The following RILPL2 variants were observed in gnomAD, a reference collection of about 807,000 sequenced individuals.
RILPL2 encodes Rab interacting lysosomal protein like 2.
In RILPL2, 19 loss-of-function variants were observed where a neutral mutation model predicts 22.2. The observed-to-expected ratio is 0.86, with a 90% CI of 0.60 to 1.25. The LOEUF (loss-of-function observed/expected upper bound fraction) is 1.25, where lower values mean the gene tolerates loss of function less well. Ranked by LOEUF, RILPL2 falls within the 50% of genes most tolerant of loss-of-function variation. The probability of loss-of-function intolerance (pLI) is 0.00; values close to 1 mark genes in which losing one functional copy is unlikely to be tolerated. For missense variants in RILPL2, 243 were observed against 263.6 expected (o/e 0.92, Z 0.54); for synonymous variants, 123 against 111.6 (o/e 1.10, Z -0.64).
chr12:123,421,042 T>C (rs2139236651), intron 3 of RILPL2, among the ~76,000 whole-genome samples: 1 of 150,972 alleles, frequency 6.6e-6, no homozygotes, highest in Middle Eastern at 3.4e-3. Flanking sequence ...CTATGTTAAA[T>C]CTTTTTTTTT....
chr12:123,416,321 C>T (rs1404171886), intron 3 of RILPL2, among the ~76,000 whole-genome samples: 2 of 151,406 alleles, frequency 1.3e-5, no homozygotes, highest in Non-Finnish European at 2.9e-5. Context: ...AAGACACTAT[C>T]TCAAAAGAAA....
At chr12:123,421,401 A>G (rs1450260406) in intron 3 of RILPL2, among the ~76,000 whole-genome samples, 1 of 151,984 alleles carries the variant, frequency 6.6e-6, no homozygotes, top group East Asian at 1.9e-4. Flanking sequence ...ACTTCATCTC[A>G]TCAAATTAAA....
rs144742334 is a variant in RILPL2, at chr12:123,430,542, G to C, written c.457C>G (p.Leu153Val). ...CACTGCAGCTCTTCCTGCACCACCAGGAGCTGCGACTTGAGTTTGTTGCGT... is the reference window on the plus strand; with the variant it reads ...CACTGCAGCTCTTCCTGCACCACCACGAGCTGCGACTTGAGTTTGTTGCGT... ...QERNKLKSQLLVVQEELQCYK... is the reference protein window; with the variant it reads ...QERNKLKSQLVVVQEELQCYK... The change falls in exon 2 of 4, where the codon CTG becomes GTG. Residue 153 changes from leucine to valine, a missense_variant. Leu to Val is a conservative substitution (Grantham distance 32, BLOSUM62 1). Coordinates refer to ENST00000280571, the MANE Select transcript of RILPL2 (RefSeq NM_145058.3). 1,131 of 1,609,202 alleles carry C rather than the reference G, an allele frequency of 7.0e-4. 3 individuals carry two copies. Among genetic ancestry groups the C allele is most frequent in the Middle Eastern group, 4.0e-3 (24 of 6,006 alleles).
rs1879332717 is a variant in RILPL2 at position 123,423,101 on chromosome 12, A to G, written c.548T>C (p.Val183Ala). The change falls in exon 3 of 4, where the codon GTT (valine) becomes GCT (alanine). Residue 183 changes from valine (V) to alanine (A), a missense_variant. Transcript: ENST00000280571. ...PGGRREKDAV[V>A]TSAKNAGRNK... ...CCTGCCAGCATTTTTGGCACTAGTA[A>G]CCACAGCATCTTTTTCTCTTCTTCC... 6.2e-7 allele frequency: 1 copy of G among 1,612,544 alleles called. No individual in the cohort carries two copies. Among genetic ancestry groups the G allele is most frequent in the African/African-American group, 1.3e-5 (1 of 74,570 alleles).
chr12:123,419,165 C>G (rs1218826676), intron 3 of RILPL2, among the ~76,000 whole-genome samples: 1 of 151,670 alleles, frequency 6.6e-6, no homozygotes, highest in Non-Finnish European at 1.5e-5. Context: ...CGCCCACTAC[C>G]ATGCCCGGCT....
In RILPL2 at chr12:123,436,038, C is replaced by G; in HGVS notation, c.339+44G>C. ...CCCTGCCAGTAGGTGCCCTCCTACG[C>G]CCCGCAGGCGCCGTGGGCCCGGAAC... On this transcript the variant is annotated intron_variant, in intron 1 of 3. Transcript: ENST00000280571. This position sits in a 1 kb window ranked among gnomAD's most constrained non-coding sequence, Gnocchi z 6.7. 2 of 1,541,104 alleles carry G rather than the reference C, an allele frequency of 1.3e-6. No individual in the cohort carries two copies. Among genetic ancestry groups the G allele is most frequent in the Non-Finnish European group, 1.8e-6 (2 of 1,140,380 alleles).
At chr12:123,417,648 G>A (rs1449890720) in intron 3 of RILPL2, among the ~76,000 whole-genome samples, 1 of 151,998 alleles carries the variant, frequency 6.6e-6, no homozygotes, top group African/African-American at 2.4e-5. Flanking sequence ...GCAATGGCAC[G>A]ATCTCGGCTC....
intron 2 of RILPL2, among the ~76,000 whole-genome samples, chr12:123,423,981 A>G (rs1879364715): frequency 6.6e-6 from 1 of 151,930 alleles, no homozygotes; most frequent in South Asian, 2.1e-4. Context: ...ACCTAATTGC[A>G]TTGGCTACTG....
rs1879816019 is a variant in RILPL2, at chr12:123,436,633, T to C, written c.-213A>G. 2 of 748,724 alleles carry C rather than the reference T, an allele frequency of 2.7e-6. No individual in the cohort carries two copies. Among genetic ancestry groups the C allele is most frequent in the Admixed American group, 5.9e-5 (2 of 33,814 alleles). The allele number at this position is 748,724 out of a possible 1,614,324, so 46.4% of individuals were successfully genotyped here. A position where few individuals can be genotyped will look rare whatever the true frequency, so the allele number is the denominator to read the frequency against. On this transcript the variant is annotated 5_prime_UTR_variant, in exon 1 of 4. Transcript: ENST00000280571. This position sits in a 1 kb window ranked among gnomAD's most constrained non-coding sequence, Gnocchi z 6.7. ...GCACCGTCCCCGCTGCCAGCCACGCTGGAGAGTGCGCTCCAGGATGTGGTT... is the reference window on the plus strand; with the variant it reads ...GCACCGTCCCCGCTGCCAGCCACGCCGGAGAGTGCGCTCCAGGATGTGGTT...
chr12:123,420,434 C>A (rs781652880), intron 3 of RILPL2, among the ~76,000 whole-genome samples: 1 of 151,542 alleles, frequency 6.6e-6, no homozygotes, highest in East Asian at 2.0e-4. Flanking sequence ...CCACTGTGCC[C>A]GGCCTATTTT....
intron 3 of RILPL2, among the ~76,000 whole-genome samples, chr12:123,418,964 G>A (rs1031666200): frequency 6.7e-6 from 1 of 149,418 alleles, no homozygotes. Flanking sequence ...TGATCTGCCC[G>A]CCTCAGCCTC....
chr12:123,433,100 T>C lies in RILPL2; in HGVS notation c.340-2441A>G, dbSNP rs1342902081. Among the ~76,000 whole-genome samples, 3 of 149,468 alleles carry C rather than the reference T, an allele frequency of 2.0e-5. No homozygotes were observed. In the East Asian group the frequency reaches 5.8e-4, roughly 29 times the overall value. On this transcript the variant is annotated intron_variant, in intron 1 of 3. Transcript: ENST00000280571. Reference sequence around the variant, plus strand: ...CTTTCCTGGCTTACTTCTTGGTTTGTATACTTTTTTTTTTTTTTTTTTGAG... The same window carrying C: ...CTTTCCTGGCTTACTTCTTGGTTTGCATACTTTTTTTTTTTTTTTTTTGAG...
intron 3 of RILPL2, among the ~76,000 whole-genome samples, chr12:123,419,606 C>CTT (rs11361281): frequency 1.5e-4 from 19 of 130,348 alleles, no homozygotes; most frequent in Admixed American, 5.7e-4. Flanking sequence ...TCCCTTTTTT[C>CTT]TTTTTTTTTT....
chr12:123,429,498 T>C (rs563201883), intron 2 of RILPL2, among the ~76,000 whole-genome samples: 27 of 152,110 alleles, frequency 1.8e-4, no homozygotes, highest in South Asian at 6.2e-4. Context: ...GGTTTCACCA[T>C]GTTGGCCAGG....
chr12:123,425,028 C>T (rs377718844), intron 2 of RILPL2, among the ~76,000 whole-genome samples: 25 of 151,944 alleles, frequency 1.6e-4, no homozygotes, highest in East Asian at 3.9e-4. Flanking sequence ...TACAGGCGTC[C>T]GCCACCACGC....
At chr12:123,413,835 T>C (rs1355669475), downstream of RILPL2, 2 of 151,638 alleles carry the variant, frequency 1.3e-5, no homozygotes, top group Non-Finnish European at 2.9e-5. Flanking sequence ...AGATACAGAG[T>C]GTGGACACAA....
At chr12:123,431,361 A>AC (rs1349588149) in intron 1 of RILPL2, among the ~76,000 whole-genome samples, 1 of 145,332 alleles carries the variant, frequency 6.9e-6, no homozygotes, top group Non-Finnish European at 1.5e-5. Context: ...ATTCAGAGGG[A>AC]CAGAAAGTAG....
intron 1 of RILPL2, among the ~76,000 whole-genome samples, chr12:123,435,688 G>C (rs1016407367): frequency 6.6e-6 from 1 of 152,130 alleles, no homozygotes; most frequent in Non-Finnish European, 1.5e-5. Flanking sequence ...GTAGTGAGCC[G>C]TGTTTGCACC....
In RILPL2 at chr12:123,415,868, T is replaced by C. The variant is rs372508476; in HGVS notation, c.*23A>G. Reference sequence around the variant, plus strand: ...AGGTTGTCTTCTAGAATCAGAGCCATAGCCTTACTTGTGGCCTTGGATCTA... The same window carrying C: ...AGGTTGTCTTCTAGAATCAGAGCCACAGCCTTACTTGTGGCCTTGGATCTA... On this transcript the variant is annotated 3_prime_UTR_variant, in exon 4 of 4. Transcript: ENST00000280571. 3.5e-5 allele frequency: 57 copies of C among 1,613,394 alleles called. 1 individual carries two copies. The South Asian group carries it at 5.2e-4, about 15-fold the overall frequency.
Sources: gnomAD v4.1 joint callset for allele counts (sites outside exome capture counted in the v4.1 genomes callset) on GRCh38, gnomAD v4.1.1 for gene constraint, Gnocchi (gnomAD v3.1) non-coding constraint, MANE v1.5 for transcripts, NCBI Gene and HGNC (gene_info 2026-07-23, HGNC 2026-07-21) for gene names.